The following LRP6 variants were observed in gnomAD, a reference collection of about 807,000 sequenced individuals.
LRP6 encodes the protein LDL receptor related protein 6.
LRP6 carries 43 observed loss-of-function variants against 184.1 expected under a neutral mutation model. That is an observed-to-expected ratio of 0.23 (90% CI 0.18 to 0.30). The LOEUF (loss-of-function observed/expected upper bound fraction) is 0.30. Ranked by LOEUF, LRP6 falls within the 10% of genes least tolerant of loss-of-function variation. The pLI, the probability that LRP6 is intolerant of heterozygous loss-of-function variation, is 1.00. For synonymous variants in LRP6, 719 were observed against 684.9 expected (o/e 1.05, Z -0.78); for missense variants, 1,571 against 2,005.3 (o/e 0.78, Z 4.14).
At chr12:12,144,077 C>T (rs1300125985) in intron 15 of LRP6, among the ~76,000 whole-genome samples, 2 of 152,142 alleles carry the variant, frequency 1.3e-5, no homozygotes, top group Non-Finnish European at 2.9e-5. Flanking sequence ...TTCTTTTCAT[C>T]TAAAGATACT....
chr12:12,133,668 A>C (rs2136869784), intron 17 of LRP6, among the ~76,000 whole-genome samples: 1 of 152,270 alleles, frequency 6.6e-6, no homozygotes, highest in South Asian at 2.1e-4. Flanking sequence ...ATACATTAAA[A>C]ATAATTGCTA....
intron 7 of LRP6, among the ~76,000 whole-genome samples, chr12:12,176,973 G>C (rs896741152): frequency 6.6e-6 from 1 of 150,634 alleles, no homozygotes; most frequent in Non-Finnish European, 1.5e-5. Context: ...TCAGCCTCCC[G>C]AGTAGCTAGG....
At chr12:12,251,237 C>T (rs1041702882) in intron 1 of LRP6, among the ~76,000 whole-genome samples, 3 of 152,048 alleles carry the variant, frequency 2.0e-5, no homozygotes, top group African/African-American at 7.2e-5. Context: ...CAGCCAAAGC[C>T]GGCTAAGATT....
At chr12:12,225,078 A>C (rs1054841719) in intron 2 of LRP6, among the ~76,000 whole-genome samples, 1 of 152,060 alleles carries the variant, frequency 6.6e-6, no homozygotes, top group African/African-American at 2.4e-5. Context: ...GGTGGCAGGC[A>C]CCTGTAATCC....
intron 2 of LRP6, chr12:12,226,662 T>C (rs980517326): frequency 2.0e-5 from 3 of 152,184 alleles, no homozygotes; most frequent in African/African-American, 7.2e-5. Context: ...GGGAACAGAA[T>C]ATCTAAGAAC....
intron 1 of LRP6, among the ~76,000 whole-genome samples, chr12:12,245,494 A>G (rs969150055): frequency 1.3e-5 from 2 of 152,208 alleles, no homozygotes; most frequent in Non-Finnish European, 2.9e-5. Context: ...GATGAGCTAT[A>G]TTATCAATAA....
intron 5 of LRP6, among the ~76,000 whole-genome samples, chr12:12,181,969 C>T (rs1863355896): frequency 6.6e-6 from 1 of 152,166 alleles, no homozygotes; most frequent in Non-Finnish European, 1.5e-5. Context: ...ATGTAAGTTA[C>T]ATCTCAGTAA....
intron 22 of LRP6, among the ~76,000 whole-genome samples, chr12:12,122,501 T>C (rs1429935174): frequency 4.6e-5 from 7 of 152,144 alleles, no homozygotes; most frequent in African/African-American, 1.2e-4. Context: ...CCATTTGATA[T>C]CACTTGGCTT....
At chr12:12,153,699 TA>T (rs1169038827) in intron 12 of LRP6, among the ~76,000 whole-genome samples, 1 of 152,224 alleles carries the variant, frequency 6.6e-6, no homozygotes, top group Non-Finnish European at 1.5e-5. Flanking sequence ...TCAAATTTAT[TA>T]AACTCTAACC....
rs1411262064 is a variant in LRP6 at position 12,120,142 on chromosome 12, A to AT, written c.*983dup. ...AATTTTTAATTCTTAAACATTGTCT[A>AT]TATGTGTTGTAAAAAGACATTTTAA... On this transcript the variant is annotated 3_prime_UTR_variant, in exon 23 of 23. Coordinates refer to ENST00000261349, the MANE Select transcript of LRP6 (RefSeq NM_002336.3). 1 of 150,542 alleles carries AT rather than the reference A, an allele frequency of 6.6e-6. No individual in the cohort carries two copies. Among genetic ancestry groups the AT allele is most frequent in the African/African-American group, 2.4e-5 (1 of 40,938 alleles). 9.3% of individuals were successfully genotyped at this position (150,542 alleles called of 1,614,324 possible).
chr12:12,243,025 G>A (rs1403966595), intron 2 of LRP6, among the ~76,000 whole-genome samples: 2 of 152,138 alleles, frequency 1.3e-5, no homozygotes, highest in African/African-American at 4.8e-5. Flanking sequence ...TAATACAACT[G>A]AAAGCTAAAG....
In LRP6 at chr12:12,125,534, A is replaced by T. The variant is rs2302684; in HGVS notation, c.4313-102T>A. ...GGATTACAAATATCAACAGTGAAGT[A>T]GTCTGATTTTAAAATAACTTACACT... On this transcript the variant is annotated intron_variant, in intron 20 of 22. Transcript: ENST00000261349. 484,906 of 988,748 alleles carry T rather than the reference A, an allele frequency of 0.49. 125,005 individuals carry two copies. The highest frequency in any genetic ancestry group is 0.81 in the East Asian group (31,244 of 38,682). The allele number at this position is 988,748 out of a possible 1,614,324, so 61.2% of individuals were successfully genotyped here.
chr12:12,138,610 C>A, intron 15 of LRP6, 76 bp from the exon 16 acceptor site: 6 of 1,373,034 alleles, frequency 4.4e-6, no homozygotes, highest in Non-Finnish European at 3.1e-6. Flanking sequence ...TTACTGACTA[C>A]CAGTTAGATT....
At chr12:12,259,060 G>A (rs1413919307) in intron 1 of LRP6, among the ~76,000 whole-genome samples, 2 of 152,096 alleles carry the variant, frequency 1.3e-5, no homozygotes, top group African/African-American at 4.8e-5. Context: ...TCAGGAGTTC[G>A]AGACCAGCCT....
intron 2 of LRP6, among the ~76,000 whole-genome samples, chr12:12,234,690 G>A (rs1275151125): frequency 1.3e-5 from 2 of 151,822 alleles, no homozygotes; most frequent in Non-Finnish European, 2.9e-5. Context: ...AATTAGCCGG[G>A]TGTGGTGGCG....
intron 1 of LRP6, among the ~76,000 whole-genome samples, chr12:12,248,022 G>A (rs1865230688): frequency 6.6e-6 from 1 of 152,112 alleles, no homozygotes; most frequent in South Asian, 2.1e-4. Context: ...CAATCTCAGT[G>A]AAGCAGGATA....
chr12:12,206,459 C>G (rs1237780783), intron 2 of LRP6, among the ~76,000 whole-genome samples: 1 of 150,344 alleles, frequency 6.7e-6, no homozygotes, highest in Admixed American at 6.7e-5. Flanking sequence ...AGGAGAATGG[C>G]GTGAACCCGG....
intron 3 of LRP6, among the ~76,000 whole-genome samples, chr12:12,188,356 G>A (rs1323699806): frequency 6.6e-6 from 1 of 152,110 alleles, no homozygotes. Context: ...CCAGGAGGCA[G>A]AGATGGGCAG....
At chr12:12,148,338 A>G (rs780727100) in intron 14 of LRP6, among the ~76,000 whole-genome samples, 6 of 152,156 alleles carry the variant, frequency 3.9e-5, no homozygotes, top group African/African-American at 1.4e-4. Flanking sequence ...TTACATATAA[A>G]TCACTTCTTA....
Sources: allele counts gnomAD v4.1 joint callset (sites outside exome capture counted in the v4.1 genomes callset), GRCh38; gene constraint gnomAD v4.1.1; transcripts MANE v1.5; gene names NCBI Gene and HGNC (gene_info 2026-07-23, HGNC 2026-07-21).